The following CSGALNACT1 variants were observed in gnomAD, a reference collection of about 807,000 sequenced individuals.
CSGALNACT1 encodes the protein beta4GalNAcT-1.
A neutral mutation model predicts 51.0 loss-of-function variants in CSGALNACT1; 52 were observed. That is an observed-to-expected ratio of 1.02 (90% CI 0.82 to 1.29). CSGALNACT1 has a LOEUF of 1.29. Ranked by LOEUF, CSGALNACT1 falls within the 50% of genes most tolerant of loss-of-function variation. The pLI is 0.00. For missense variants in CSGALNACT1, 935 were observed against 679.2 expected (o/e 1.38, Z -4.19); for synonymous variants, 341 against 254.4 (o/e 1.34, Z -3.24).
intron 3 of CSGALNACT1, among the ~76,000 whole-genome samples, chr8:19,560,413 TTC>T (rs780188529): frequency 3.3e-5 from 5 of 152,284 alleles, no homozygotes; most frequent in African/African-American, 1.2e-4. Flanking sequence ...ATTAAAAACT[TTC>T]TGTTTATTAA....
At chr8:19,524,395 G>A (rs1056209864) in intron 3 of CSGALNACT1, among the ~76,000 whole-genome samples, 19 of 152,096 alleles carry the variant, frequency 1.2e-4, no homozygotes, top group African/African-American at 4.3e-4. Flanking sequence ...AAAAAATAGA[G>A]AACTCAAAAC....
chr8:19,486,927 T>C (rs2073094593), intron 4 of CSGALNACT1, among the ~76,000 whole-genome samples: 1 of 152,158 alleles, frequency 6.6e-6, no homozygotes, highest in Non-Finnish European at 1.5e-5. Context: ...GAAGAAAAGG[T>C]AACCAAAAAG....
exon 4 of CSGALNACT1, chr8:19,505,402 C>T: frequency 6.2e-7 from 1 of 1,614,238 alleles, no homozygotes; most frequent in Non-Finnish European, 8.5e-7. Flanking sequence ...AAAGGCACTG[C>T]TGCATACTCT....
At chr8:19,716,161 C>T (rs1589665248) in intron 1 of CSGALNACT1, among the ~76,000 whole-genome samples, 1 of 152,194 alleles carries the variant, frequency 6.6e-6, no homozygotes, top group East Asian at 1.9e-4. Flanking sequence ...AGTCCTGAAT[C>T]TAGCTTGTAA....
At chr8:19,738,976 C>A (rs2064150254) in intron 1 of CSGALNACT1, among the ~76,000 whole-genome samples, 1 of 152,014 alleles carries the variant, frequency 6.6e-6, no homozygotes, top group Non-Finnish European at 1.5e-5. Flanking sequence ...CCCTCCTATA[C>A]AACATTAATC....
intron 1 of CSGALNACT1, among the ~76,000 whole-genome samples, chr8:19,744,533 G>T (rs1404227707): frequency 1.3e-5 from 2 of 152,076 alleles, no homozygotes; most frequent in African/African-American, 4.8e-5. Flanking sequence ...AAGCCTTCCT[G>T]CCCCTATTAA....
chr8:19,432,111 G>A (rs1003739011), intron 6 of CSGALNACT1, among the ~76,000 whole-genome samples: 3 of 152,018 alleles, frequency 2.0e-5, no homozygotes, highest in African/African-American at 4.8e-5. Context: ...TTTCATGTCC[G>A]CCCCAAGGAC....
At chr8:19,480,667 A>T (rs1175328210) in intron 4 of CSGALNACT1, among the ~76,000 whole-genome samples, 1 of 152,152 alleles carries the variant, frequency 6.6e-6, no homozygotes, top group African/African-American at 2.4e-5. Context: ...CTGACCCATC[A>T]TTGGGAATTT....
upstream of CSGALNACT1, among the ~76,000 whole-genome samples, chr8:19,606,700 G>C (rs530624273): frequency 3.4e-4 from 51 of 151,878 alleles, no homozygotes; most frequent in Non-Finnish European, 5.2e-4. Context: ...CACTCAAGTG[G>C]GTCACCCTGC....
At chr8:19,412,164 T>C (rs960873233) in intron 8 of CSGALNACT1, among the ~76,000 whole-genome samples, 6 of 152,124 alleles carry the variant, frequency 3.9e-5, no homozygotes, top group Non-Finnish European at 5.9e-5. Flanking sequence ...TGTCCTCTGA[T>C]AGCTGGCCTC....
chr8:19,722,658 C>T (rs991460390), intron 1 of CSGALNACT1, among the ~76,000 whole-genome samples: 2 of 152,142 alleles, frequency 1.3e-5, no homozygotes, highest in African/African-American at 2.4e-5. Flanking sequence ...ACCTCACAGC[C>T]CTGGCGCATT....
intron 3 of CSGALNACT1, among the ~76,000 whole-genome samples, chr8:19,529,178 T>A (rs963826816): frequency 6.6e-6 from 1 of 152,076 alleles, no homozygotes; most frequent in Non-Finnish European, 1.5e-5. Flanking sequence ...TTAAAAGCTT[T>A]TTTGGTGAGT....
intron 3 of CSGALNACT1, among the ~76,000 whole-genome samples, chr8:19,540,887 T>G (rs1258785741): frequency 6.6e-6 from 1 of 152,170 alleles, no homozygotes; most frequent in Non-Finnish European, 1.5e-5. Flanking sequence ...CATGTGAGTC[T>G]AGGTTAAATG....
chr8:19,697,577 C>G (rs969055718), intron 1 of CSGALNACT1, among the ~76,000 whole-genome samples: 3 of 152,180 alleles, frequency 2.0e-5, no homozygotes, highest in Non-Finnish European at 4.4e-5. Flanking sequence ...AATCTAGAGA[C>G]TGGACCAAAT....
chr8:19,456,523 G>A (rs891144276), intron 5 of CSGALNACT1, among the ~76,000 whole-genome samples: 1 of 152,208 alleles, frequency 6.6e-6, no homozygotes, highest in Admixed American at 6.5e-5. Context: ...AACGCCGCAG[G>A]TTCAGTCATT....
chr8:19,544,633 A>C (rs923106612), intron 3 of CSGALNACT1, among the ~76,000 whole-genome samples: 2 of 152,140 alleles, frequency 1.3e-5, no homozygotes, highest in Admixed American at 6.6e-5. Context: ...GCCTTATCCA[A>C]ATATTTTGTT....
At chr8:19,442,424 C>G (rs932171847) in intron 5 of CSGALNACT1, among the ~76,000 whole-genome samples, 5 of 152,192 alleles carry the variant, frequency 3.3e-5, no homozygotes, top group African/African-American at 1.2e-4. Context: ...TTTGTAGGGA[C>G]ATGGATGAAA....
At chr8:19,464,761 A>G (rs2153832301) in intron 4 of CSGALNACT1, among the ~76,000 whole-genome samples, 1 of 152,234 alleles carries the variant, frequency 6.6e-6, no homozygotes, top group Middle Eastern at 3.4e-3. Flanking sequence ...TAACAGTTTC[A>G]TCCCAAAACC....
intron 5 of CSGALNACT1, among the ~76,000 whole-genome samples, chr8:19,445,311 T>C (rs2061940832): frequency 6.6e-6 from 1 of 152,202 alleles, no homozygotes; most frequent in Non-Finnish European, 1.5e-5. Flanking sequence ...GTGCATGCAG[T>C]GGGAAAAATC....
Sources: allele counts gnomAD v4.1 joint callset (sites outside exome capture counted in the v4.1 genomes callset), GRCh38; gene constraint gnomAD v4.1.1; transcripts MANE v1.5; gene names NCBI Gene and HGNC (gene_info 2026-07-23, HGNC 2026-07-21).